The following DHX32 variants were observed in gnomAD, a reference collection of about 807,000 sequenced individuals.
The protein encoded by DHX32 is putative pre-mRNA-splicing factor ATP-dependent RNA helicase DHX32.
Under a neutral mutation model 70.0 loss-of-function variants are expected in DHX32, and 51 were observed. The ratio of observed to expected loss-of-function variants is 0.73; its 90% CI spans 0.58 to 0.92. The LOEUF is 0.92. Among genes scored for constraint, DHX32 ranks in the 40% least tolerant of loss-of-function variants. The probability of loss-of-function intolerance (pLI) is 0.00; values close to 1 mark genes in which losing one functional copy is unlikely to be tolerated. For missense variants in DHX32, 762 were observed against 891.8 expected (o/e 0.85, Z 1.85); for synonymous variants, 310 against 315.3 (o/e 0.98, Z 0.18).
intron 1 of DHX32, among the ~76,000 whole-genome samples, chr10:125,887,031 CTAAT>C (rs1944344222): frequency 6.6e-6 from 1 of 152,222 alleles, no homozygotes; most frequent in African/African-American, 2.4e-5. Flanking sequence ...CAGTGGGTGA[CTAAT>C]TAATAATTAC....
chr10:125,884,426 C>T (rs988895561), upstream of DHX32, among the ~76,000 whole-genome samples: 1 of 152,218 alleles, frequency 6.6e-6, no homozygotes, highest in Non-Finnish European at 1.5e-5. Context: ...CTACATTCCA[C>T]TATAAGAAAT....
At chr10:125,859,186 A>G (rs1433022277) in intron 3 of DHX32, among the ~76,000 whole-genome samples, 1 of 152,042 alleles carries the variant, frequency 6.6e-6, no homozygotes, top group Non-Finnish European at 1.5e-5. Flanking sequence ...ACTTAACTCT[A>G]TGGTGAGTGC....
At chr10:125,882,530 A>G (rs1179955292), upstream of DHX32, among the ~76,000 whole-genome samples, 1 of 152,230 alleles carries the variant, frequency 6.6e-6, no homozygotes, top group Admixed American at 6.5e-5. Flanking sequence ...GATATTTTGA[A>G]GATGGCAGCA....
intron 2 of DHX32, among the ~76,000 whole-genome samples, chr10:125,860,635 C>A (rs1226674469): frequency 6.6e-6 from 1 of 151,684 alleles, no homozygotes; most frequent in Non-Finnish European, 1.5e-5. Flanking sequence ...TCCCATACTT[C>A]TTGGGATGAT....
upstream of DHX32, among the ~76,000 whole-genome samples, chr10:125,882,678 T>C (rs537648272): frequency 1.3e-5 from 2 of 152,234 alleles, no homozygotes; most frequent in African/African-American, 4.8e-5. Flanking sequence ...GTTTCAAAAT[T>C]AAAATGGAAT....
At chr10:125,895,881 G>A (rs2134089883) in intron 1 of DHX32, among the ~76,000 whole-genome samples, 1 of 152,406 alleles carries the variant, frequency 6.6e-6, no homozygotes, top group East Asian at 1.9e-4. Context: ...GGGGACGACA[G>A]CGACGACGGC....
rs1940168522 is a variant in DHX32, at chr10:125,841,007, A to G, written c.1544-11T>C. 2 of 1,591,486 alleles carry G rather than the reference A, an allele frequency of 1.3e-6. No individual in the cohort carries two copies. The highest frequency in any genetic ancestry group is 3.5e-5 in the Admixed American group (2 of 57,856). ...AAAAGCAATTTGGAGCTTCAAAATGAAAAAGGTCACATGGTTAGCAATAAT... is the reference window on the plus strand; with the variant it reads ...AAAAGCAATTTGGAGCTTCAAAATGGAAAAGGTCACATGGTTAGCAATAAT... On this transcript the variant is annotated splice_polypyrimidine_tract_variant and intron_variant, in intron 7 of 10. Transcript: ENST00000284690.
intron 2 of DHX32, among the ~76,000 whole-genome samples, chr10:125,865,546 C>T (rs940032889): frequency 2.6e-5 from 4 of 151,734 alleles, no homozygotes; most frequent in Non-Finnish European, 5.9e-5. Context: ...TTCTTTTTTT[C>T]TGGGACAGGG....
At chr10:125,845,118 C>T (rs2134033293) in intron 6 of DHX32, among the ~76,000 whole-genome samples, 1 of 152,328 alleles carries the variant, frequency 6.6e-6, no homozygotes, top group Non-Finnish European at 1.5e-5. Flanking sequence ...CCAAGCTGAG[C>T]ACAGGCCAAG....
intron 1 of DHX32, among the ~76,000 whole-genome samples, chr10:125,877,890 T>C (rs1307733090): frequency 6.6e-6 from 1 of 152,204 alleles, no homozygotes; most frequent in African/African-American, 2.4e-5. Context: ...TCTATTCTAT[T>C]AGAGCATAGT....
rs932155433 is a variant in DHX32 at position 125,878,695 on chromosome 10, TTTTTG to T, written c.282+1843_282+1847del. Among the ~76,000 whole-genome samples, 4 of 151,972 alleles carry T rather than the reference TTTTTG, an allele frequency of 2.6e-5. No individual in the cohort carries two copies. The South Asian group carries it at 6.2e-4, about 24-fold the overall frequency. ...ACTACCTTGTTTTTCTTGGTGTTTT[TTTTTG>T]TTTTGTTTTGTTTTCTTTTTTTTTT... On this transcript the variant is annotated intron_variant, in intron 1 of 10. Coordinates refer to ENST00000284690, the MANE Select transcript of DHX32 (RefSeq NM_018180.3).
Position 125,852,073 on chromosome 10 carries a change from C to A in DHX32, c.1351+220G>T, listed in dbSNP as rs140257628. On this transcript the variant is annotated intron_variant, in intron 6 of 10. Coordinates refer to ENST00000284690, the MANE Select transcript of DHX32 (RefSeq NM_018180.3). ...GTGCTGCAGTGTCCAACAGCAGACACATTTCTCGTGTCAGAACAGTTATTT... is the reference window on the plus strand; with the variant it reads ...GTGCTGCAGTGTCCAACAGCAGACAAATTTCTCGTGTCAGAACAGTTATTT... Among the ~76,000 whole-genome samples, 3 of 152,320 alleles carry A rather than the reference C, an allele frequency of 2.0e-5. No individual in the cohort carries two copies. The East Asian group carries it at 5.8e-4, about 29-fold the overall frequency.
chr10:125,859,811 A>T lies in DHX32; in HGVS notation c.641T>A (p.Ile214Lys). 6.2e-7 allele frequency: 1 copy of T among 1,614,118 alleles called. No homozygotes were observed. The highest frequency in any genetic ancestry group is 8.5e-7 in the Non-Finnish European group (1 of 1,180,022). ...VLLARPELKL[I>K]INSSPHLISK... ...GATCAGGTGAGGTGAGGAGTTAATTATGAGCTTCAGTTCTGGTCTTGCTAG... is the reference window on the plus strand; with the variant it reads ...GATCAGGTGAGGTGAGGAGTTAATTTTGAGCTTCAGTTCTGGTCTTGCTAG... The change falls in exon 3 of 11, where the codon ATA becomes AAA. Residue 214 changes from isoleucine to lysine, a missense_variant. Ile to Lys is a moderately radical substitution (Grantham distance 102). Transcript: ENST00000284690.
At chr10:125,871,238 C>T (rs1589715777) in intron 1 of DHX32, among the ~76,000 whole-genome samples, 2 of 152,324 alleles carry the variant, frequency 1.3e-5, no homozygotes, top group East Asian at 1.9e-4. Flanking sequence ...ATCCAACAGT[C>T]TTCATTTTCC....
At chr10:125,853,284 G>A in intron 4 of DHX32, 1 of 1,244,412 alleles carries the variant, frequency 8.0e-7, no homozygotes, top group Non-Finnish European at 1.1e-6. Context: ...CTCCTGGAGG[G>A]ATAAAACATC....
Position 125,836,742 on chromosome 10 carries a change from T to G in DHX32, c.2177A>C (p.Glu726Ala). ...HLSPVSTMNK[E>A]QQMCETCPET... is the part of the protein sequence containing the mutation. ...AGGGCACGTCTCACACATTTGCTGT[T>G]CCTTATTCATTGTTGACACAGGGGA... is the stretch of plus-strand genomic sequence containing the variant. Residue 726 changes from glutamate (E) to alanine (A), a missense_variant, in exon 11 of 11, where the codon GAA becomes GCA. Glu to Ala is a moderately radical substitution (Grantham distance 107). This residue lies in a region of DHX32 where 366 missense variants were observed against 402.6 expected (regional missense o/e 0.91). Coordinates refer to ENST00000284690, the MANE Select transcript of DHX32 (RefSeq NM_018180.3). 6.2e-7 allele frequency: 1 copy of G among 1,614,210 alleles called. No individual in the cohort carries two copies. Among genetic ancestry groups the G allele is most frequent in the Non-Finnish European group, 8.5e-7 (1 of 1,180,052 alleles).
chr10:125,878,447 T>C (rs1355612325), intron 1 of DHX32, among the ~76,000 whole-genome samples: 1 of 152,216 alleles, frequency 6.6e-6, no homozygotes, highest in Non-Finnish European at 1.5e-5. Context: ...CAACCTTTTT[T>C]ACTTTGTTTC....
chr10:125,855,625 T>G (rs922060638), intron 3 of DHX32, among the ~76,000 whole-genome samples: 8 of 151,968 alleles, frequency 5.3e-5, no homozygotes, highest in Admixed American at 2.6e-4. Flanking sequence ...ATTTTTTTTG[T>G]ATTTTTAGTA....
intron 1 of DHX32, among the ~76,000 whole-genome samples, chr10:125,867,459 G>A (rs942866991): frequency 4.6e-5 from 7 of 152,174 alleles, no homozygotes; most frequent in Admixed American, 2.6e-4. Context: ...AGGACAGGCC[G>A]GGTGTGGTGG....
Sources: gnomAD v4.1 joint callset for allele counts (sites outside exome capture counted in the v4.1 genomes callset) on GRCh38, gnomAD v4.1.1 for gene constraint, gnomAD v4.1.1 regional missense constraint, MANE v1.5 for transcripts, NCBI Gene and HGNC (gene_info 2026-07-23, HGNC 2026-07-21) for gene names.